Variants in ODF2L observed in about 807,000 individuals in gnomAD.
The protein encoded by ODF2L is outer dense fiber of sperm tails 2 like.
ODF2L carries 76 observed loss-of-function variants against 86.3 expected under a neutral mutation model. The ratio of observed to expected loss-of-function variants is 0.88; its 90% CI spans 0.73 to 1.07. ODF2L has a LOEUF of 1.07. Ranked by LOEUF, ODF2L falls within the 50% of genes least tolerant of loss-of-function variation. The pLI is 0.00. For missense variants in ODF2L, 748 were observed against 717.4 expected, an observed-to-expected ratio of 1.04 and a Z score of -0.49; for synonymous variants, 241 against 231.3, an observed-to-expected ratio of 1.04 and a Z score of -0.38.
chr1:86,360,761 T>C (rs1012106921), intron 11 of ODF2L: 6 of 277,694 alleles, frequency 2.2e-5, no homozygotes, highest in East Asian at 1.3e-4. Flanking sequence ...TTTAAAACTT[T>C]CTAAATTTAC....
chr1:86,384,870 T>C, intron 3 of ODF2L, 69 bp from the exon 4 acceptor site: 1 of 1,192,274 alleles, frequency 8.4e-7, no homozygotes, highest in Non-Finnish European at 1.1e-6. Context: ...TAAAATATAT[T>C]ATCAAACAAT....
In ODF2L at chr1:86,383,128, A is replaced by T; in HGVS notation, c.435+6T>A. The stretch of plus-strand genomic sequence containing the variant: ...ATGGACACAAAGTAAGTGTGGAAAG[A>T]CTTACAGTATTTTCACTTTCATTAT... On this transcript the variant is annotated splice_donor_region_variant and intron_variant, in intron 5 of 17. Transcript: ENST00000317336. The T allele has an allele frequency of 1.3e-6, 2 of 1,541,008 alleles. No homozygotes were observed. The highest frequency in any genetic ancestry group is 1.8e-6 in the Non-Finnish European group (2 of 1,120,988).
At chr1:86,361,288 C>G (rs1326777133) in intron 11 of ODF2L, among the ~76,000 whole-genome samples, 4 of 152,138 alleles carry the variant, frequency 2.6e-5, no homozygotes, top group Non-Finnish European at 4.4e-5. Flanking sequence ...CCCCAGTTCC[C>G]ACAGAGCAAC....
intron 8 of ODF2L, 93 bp downstream of exon 8, chr1:86,376,140 G>T: frequency 4.6e-6 from 3 of 646,096 alleles, no homozygotes; most frequent in South Asian, 4.0e-5. Flanking sequence ...ATTAAGAAAA[G>T]AATAAAATTA....
chr1:86,386,623 A>G, intron 2 of ODF2L: 1 of 294,604 alleles, frequency 3.4e-6, no homozygotes, highest in Non-Finnish European at 6.1e-6. Flanking sequence ...CCTGACCTCA[A>G]GTGATCCACC....
intron 8 of ODF2L, among the ~76,000 whole-genome samples, chr1:86,372,897 C>T (rs567037534): frequency 6.6e-6 from 1 of 152,038 alleles, no homozygotes; most frequent in African/African-American, 2.4e-5. Context: ...TGTTCTCACT[C>T]ATAAGTGGGA....
At chr1:86,393,634 A>G (rs989027258) in intron 1 of ODF2L, among the ~76,000 whole-genome samples, 1 of 152,238 alleles carries the variant, frequency 6.6e-6, no homozygotes, top group Non-Finnish European at 1.5e-5. Context: ...CATGTACTTC[A>G]AAGCCAACAT....
chr1:86,384,932 C>T lies in ODF2L; in HGVS notation c.247-131G>A, dbSNP rs1054799944. 20 of 584,900 alleles carry T rather than the reference C, an allele frequency of 3.4e-5. No homozygotes were observed. The East Asian group carries it at 7.6e-4, about 22-fold the overall frequency. The allele number at this position is 584,900 out of a possible 1,614,324, so 36.2% of individuals were successfully genotyped here. A position where few individuals can be genotyped will look rare whatever the true frequency, so the allele number is the denominator to read the frequency against. On this transcript the variant is annotated intron_variant, in intron 3 of 17. Coordinates refer to ENST00000317336, the Ensembl canonical transcript of ODF2L. ...CTTTTGTGCATAGTAATAATAAATG[C>T]TACGAAATTTGTCAATAGTAAATTG... is the stretch of plus-strand genomic sequence containing the variant.
exon 6 of ODF2L, chr1:86,383,000 A>T: frequency 1.3e-6 from 2 of 1,497,596 alleles, no homozygotes; most frequent in Non-Finnish European, 1.9e-6. Flanking sequence ...TCTTCTTAAG[A>T]TTCTTGAGCA....
chr1:86,356,662 T>C, intron 13 of ODF2L, 60 bp from the exon 13 acceptor site: 1 of 1,416,744 alleles, frequency 7.1e-7, no homozygotes, highest in South Asian at 1.4e-5. Flanking sequence ...AATATTTTTA[T>C]TATCTTAAAT....
intron 13 of ODF2L, 61 bp from the exon 13 acceptor site, chr1:86,356,663 T>C (rs1658589087): frequency 7.1e-7 from 1 of 1,412,630 alleles, no homozygotes; most frequent in Non-Finnish European, 9.7e-7. Flanking sequence ...ATATTTTTAT[T>C]ATCTTAAATA....
chr1:86,357,512 C>G (rs1372130322), intron 13 of ODF2L: 1 of 160,292 alleles, frequency 6.2e-6, no homozygotes, highest in East Asian at 1.9e-4. Context: ...TGAGTGCTTA[C>G]TACGTGCTAG....
chr1:86,386,873 A>G, intron 2 of ODF2L, 42 bp downstream of exon 2: 1 of 998,678 alleles, frequency 1.0e-6, no homozygotes, highest in Non-Finnish European at 1.6e-6. Flanking sequence ...AGGAAATCCT[A>G]GAATCGGAAA....
At chr1:86,348,572 T>G, downstream of ODF2L, 1 of 431,368 alleles carries the variant, frequency 2.3e-6, no homozygotes, top group Non-Finnish European at 3.6e-6. Context: ...TAGTAACAAC[T>G]ATCCTATTTT....
intron 2 of ODF2L, 119 bp downstream of exon 2, chr1:86,386,796 G>C (rs1056920718): frequency 7.6e-6 from 4 of 529,228 alleles, no homozygotes; most frequent in Non-Finnish European, 1.3e-5. Context: ...ATAAATACTA[G>C]ATTTGGAAAA....
At chr1:86,388,032 T>C (rs1661064964) in intron 1 of ODF2L, among the ~76,000 whole-genome samples, 1 of 152,066 alleles carries the variant, frequency 6.6e-6, no homozygotes, top group South Asian at 2.1e-4. Flanking sequence ...AAAATGTATA[T>C]ATTTTATCTG....
chr1:86,382,685 T>G (rs1431810828), intron 6 of ODF2L, among the ~76,000 whole-genome samples: 1 of 151,888 alleles, frequency 6.6e-6, no homozygotes, highest in African/African-American at 2.4e-5. Flanking sequence ...CAATACAAAT[T>G]TAAAACAGTT....
chr1:86,391,691 A>G (rs1182383188), intron 1 of ODF2L, among the ~76,000 whole-genome samples: 5 of 152,194 alleles, frequency 3.3e-5, no homozygotes, highest in African/African-American at 1.2e-4. Flanking sequence ...TGGATCAAAG[A>G]CTTAAATCTA....
intron 2 of ODF2L, 115 bp from the exon 3 acceptor site, chr1:86,385,705 CA>C: frequency 1.5e-6 from 1 of 666,164 alleles, no homozygotes; most frequent in Non-Finnish European, 2.5e-6. Flanking sequence ...ACTTTTAGTT[CA>C]AAAGTAGCTC....
Sources: gnomAD v4.1 joint callset for allele counts (sites outside exome capture counted in the v4.1 genomes callset) on GRCh38, gnomAD v4.1.1 for gene constraint, MANE v1.5 for transcripts, NCBI Gene and HGNC (gene_info 2026-07-23, HGNC 2026-07-21) for gene names.